The following ARHGEF4 variants were observed in gnomAD, a reference collection of about 807,000 sequenced individuals.
ARHGEF4 encodes Rho guanine nucleotide exchange factor 4, also known as APC-stimulated guanine nucleotide exchange factor 1.
ARHGEF4 carries 119 observed loss-of-function variants against 162.0 expected under a neutral mutation model. The ratio of observed to expected loss-of-function variants is 0.73; its 90% CI spans 0.63 to 0.86. The LOEUF (loss-of-function observed/expected upper bound fraction) is 0.86, where lower values mean the gene tolerates loss of function less well. ARHGEF4 is among the 40% of genes least tolerant of loss of function. The probability of loss-of-function intolerance (pLI) is 0.00; values close to 1 mark genes in which losing one functional copy is unlikely to be tolerated. For synonymous variants in ARHGEF4, 1,014 were observed against 979.9 expected, an observed-to-expected ratio of 1.03 and a Z score of -0.65; for missense variants, 2,488 against 2,456.0, an observed-to-expected ratio of 1.01 and a Z score of -0.28.
intron 5 of ARHGEF4, among the ~76,000 whole-genome samples, chr2:131,031,994 G>A (rs796188182): frequency 1.2e-4 from 19 of 152,304 alleles, no homozygotes; most frequent in African/African-American, 4.3e-4. Flanking sequence ...GGGAGAGGAC[G>A]GCCTGGCTCC....
At chr2:130,918,854 C>G (rs1259459975) in intron 2 of ARHGEF4, among the ~76,000 whole-genome samples, 2 of 151,942 alleles carry the variant, frequency 1.3e-5, no homozygotes, top group African/African-American at 4.8e-5. Context: ...TACTTTTTTT[C>G]GTTACTGTTA....
intron 4 of ARHGEF4, 145 bp downstream of exon 4, chr2:130,946,780 G>A (rs1683649559): frequency 7.6e-6 from 9 of 1,188,084 alleles, no homozygotes; most frequent in African/African-American, 1.5e-5. Context: ...TCTTCCTTCA[G>A]TTAGGGAGGA....
At chr2:130,879,485 T>C (rs965312411) in intron 1 of ARHGEF4, among the ~76,000 whole-genome samples, 2 of 152,200 alleles carry the variant, frequency 1.3e-5, no homozygotes, top group African/African-American at 4.8e-5. Context: ...TTTTCAAGTA[T>C]AATATATCAT....
intron 1 of ARHGEF4, among the ~76,000 whole-genome samples, chr2:130,871,596 TACACAC>T (rs10585458): frequency 6.7e-6 from 1 of 149,436 alleles, no homozygotes; most frequent in Non-Finnish European, 1.5e-5. Context: ...TATATATGCA[TACACAC>T]ACACACACAC....
intron 1 of ARHGEF4, among the ~76,000 whole-genome samples, chr2:130,851,816 C>T (rs566743914): frequency 3.3e-5 from 5 of 152,330 alleles, no homozygotes; most frequent in South Asian, 2.1e-4. Flanking sequence ...CCAGTCTCTC[C>T]GGGCTTGTGT....
rs187892998 is a variant in ARHGEF4, at chr2:130,940,440, T to C, written c.3859-6069T>C. Among the ~76,000 whole-genome samples, 525 of 151,822 alleles carry C rather than the reference T, an allele frequency of 3.5e-3. 3 individuals are homozygous for C. Among genetic ancestry groups the C allele is most frequent in the African/African-American group, 0.012 (501 of 41,458 alleles). ...CCTCCCGAATAGCTGGGACTACAGG[T>C]GCCTGCCACCATGCCCGACTAATTT... On this transcript the variant is annotated intron_variant, in intron 3 of 13. Transcript: ENST00000409359.
At chr2:130,873,731 C>A (rs1256191497) in intron 1 of ARHGEF4, among the ~76,000 whole-genome samples, 1 of 151,984 alleles carries the variant, frequency 6.6e-6, no homozygotes, top group Admixed American at 6.5e-5. Context: ...GAAGCCAGAT[C>A]GAGTGATCCT....
chr2:130,917,538 C>T (rs1009002217), intron 2 of ARHGEF4, 40 bp downstream of exon 2: 5 of 1,507,424 alleles, frequency 3.3e-6, no homozygotes, highest in Non-Finnish European at 4.4e-6. Flanking sequence ...CTGACCTCTG[C>T]AGGCAAGAGA....
intron 4 of ARHGEF4, among the ~76,000 whole-genome samples, chr2:130,969,441 C>CA (rs748675662): frequency 3.3e-5 from 5 of 151,246 alleles, no homozygotes; most frequent in East Asian, 1.9e-4. Flanking sequence ...ACTAAAAATA[C>CA]AAAAAAAATT....
chr2:130,850,799 G>A (rs1307212982), intron 1 of ARHGEF4, among the ~76,000 whole-genome samples: 1 of 152,216 alleles, frequency 6.6e-6, no homozygotes. Context: ...AGGAGTCAGC[G>A]TCAAATCCCC....
chr2:130,857,410 C>T (rs1307989993), intron 1 of ARHGEF4, among the ~76,000 whole-genome samples: 3 of 86,020 alleles, frequency 3.5e-5, no homozygotes, highest in Admixed American at 1.3e-4. Flanking sequence ...AAGAGAGTAG[C>T]GCTATGTAAG....
intron 1 of ARHGEF4, among the ~76,000 whole-genome samples, chr2:130,856,033 T>C (rs926530378): frequency 6.6e-6 from 1 of 152,190 alleles, no homozygotes; most frequent in Non-Finnish European, 1.5e-5. Context: ...GAAATATCTT[T>C]TTGAAGGGGT....
chr2:130,997,141 A>G (rs1263727363), intron 4 of ARHGEF4, among the ~76,000 whole-genome samples: 3 of 152,102 alleles, frequency 2.0e-5, no homozygotes, highest in African/African-American at 7.2e-5. Flanking sequence ...TTTTAATTTT[A>G]TACATTTCTA....
At chr2:131,015,536 G>A (rs1422038447) in intron 4 of ARHGEF4, among the ~76,000 whole-genome samples, 3 of 152,266 alleles carry the variant, frequency 2.0e-5, no homozygotes, top group Non-Finnish European at 2.9e-5. Flanking sequence ...CTGGTTGACC[G>A]GTTGTTCTGT....
At position 131,019,923 on chromosome 2, in the gene ARHGEF4, CAT is replaced by C. The variant is rs112900726; in HGVS notation, c.3986-8021_3986-8020del. Among the ~76,000 whole-genome samples the C allele has an allele frequency of 5.9e-5, 9 of 152,290 alleles. No homozygotes were observed. The South Asian group carries it at 1.7e-3, about 28-fold the overall frequency. On this transcript the variant is annotated intron_variant, in intron 4 of 13. Transcript: ENST00000409359. ...TGCTGGGATTACAGGCGTGAGCCAC[CAT>C]GCCTGGCCAGTATTTTATTCTTTTT...
chr2:130,917,036 C>T lies in ARHGEF4; in HGVS notation c.3090C>T (p.Ile1030=). The change falls in exon 2 of 14, where the codon ATC becomes ATT. Residue 1030 remains isoleucine (I), a synonymous_variant. Coordinates refer to ENST00000409359, the MANE Select transcript of ARHGEF4 (RefSeq NM_001367493.1). ...ACAGGAGGAAAAGTGAACCGACCAT[C>T]AAGTGCACAGCCACCCAGGAAGGCG... is the stretch of plus-strand genomic sequence containing the variant. The part of the protein sequence containing the change: ...PEHRRKSEPT[I]KCTATQEGGR... 1.9e-6 allele frequency: 3 copies of T among 1,550,970 alleles called. No individual in the cohort carries two copies. The highest frequency in any genetic ancestry group is 2.6e-6 in the Non-Finnish European group (3 of 1,147,082).
Position 130,916,872 on chromosome 2 carries a change from C to T in ARHGEF4, c.2926C>T (p.Pro976Ser). The stretch of plus-strand genomic sequence containing the variant: ...CACCCTAGTGAGTCTGCCTCTAGGA[C>T]CCGAAGTTCTCTCCCCAGCAGAGAC... ...KPTLVSLPLG[P>S]EVLSPAETDS... The change falls in exon 2 of 14, where the codon CCC becomes TCC. Residue 976 changes from proline (P) to serine (S), a missense_variant. Physicochemically the swap from Pro to Ser is moderately conservative, Grantham distance 74. Coordinates refer to ENST00000409359, the MANE Select transcript of ARHGEF4 (RefSeq NM_001367493.1). 3 of 1,550,420 alleles carry T rather than the reference C, an allele frequency of 1.9e-6. No individual in the cohort carries two copies. Among genetic ancestry groups the T allele is most frequent in the South Asian group, 1.2e-5 (1 of 84,058 alleles).
intron 4 of ARHGEF4, among the ~76,000 whole-genome samples, chr2:130,984,471 A>T (rs1270365209): frequency 6.6e-6 from 1 of 152,144 alleles, no homozygotes. Flanking sequence ...TGGGTGGATC[A>T]CCTGAGGTCA....
chr2:130,954,427 A>T (rs1684146288), intron 4 of ARHGEF4, among the ~76,000 whole-genome samples: 1 of 152,224 alleles, frequency 6.6e-6, no homozygotes, highest in South Asian at 2.1e-4. Context: ...GAGGGATAGC[A>T]TTAGGAGAAA....
Sources: allele counts gnomAD v4.1 joint callset (sites outside exome capture counted in the v4.1 genomes callset), GRCh38; gene constraint gnomAD v4.1.1; transcripts MANE v1.5; gene names NCBI Gene and HGNC (gene_info 2026-07-23, HGNC 2026-07-21).